Variants in PHTF2 observed in about 807,000 individuals in gnomAD.
PHTF2 encodes the protein putative homeodomain transcription factor 2, also known as protein PHTF2.
A neutral mutation model predicts 101.2 loss-of-function variants in PHTF2; 60 were observed. The ratio of observed to expected loss-of-function variants is 0.59; its 90% CI spans 0.48 to 0.73. The LOEUF (loss-of-function observed/expected upper bound fraction) is 0.73. PHTF2 is among the 30% of genes least tolerant of loss of function. The probability of loss-of-function intolerance (pLI) is 0.00; values close to 1 mark genes in which losing one functional copy is unlikely to be tolerated. For synonymous variants in PHTF2, 311 were observed against 307.3 expected (o/e 1.01, Z -0.13); for missense variants, 747 against 908.7 (o/e 0.82, Z 2.29).
At chr7:77,857,860 G>C (rs953645597) in intron 3 of PHTF2, among the ~76,000 whole-genome samples, 2 of 152,102 alleles carry the variant, frequency 1.3e-5, no homozygotes, top group Non-Finnish European at 2.9e-5. Context: ...TGTTACATGG[G>C]TCAGCTGTCA....
At chr7:77,918,581 C>A (rs987808496) in intron 9 of PHTF2, among the ~76,000 whole-genome samples, 5 of 152,196 alleles carry the variant, frequency 3.3e-5, no homozygotes, top group African/African-American at 1.2e-4. Flanking sequence ...TCTTTTTCCA[C>A]ATCTGCAGGT....
intron 2 of PHTF2, among the ~76,000 whole-genome samples, chr7:77,841,531 C>A (rs1387201772): frequency 6.6e-6 from 1 of 152,118 alleles, no homozygotes; most frequent in Non-Finnish European, 1.5e-5. Context: ...GTTGCACACT[C>A]ATGGCTCACT....
chr7:77,945,857 C>T (rs1223477829), intron 16 of PHTF2, among the ~76,000 whole-genome samples: 2 of 152,138 alleles, frequency 1.3e-5, no homozygotes, highest in Middle Eastern at 3.2e-3. Flanking sequence ...AACAAAAATC[C>T]TCCATACCCG....
rs148367713 is a variant in PHTF2, at chr7:77,879,101, A to T, written c.148-14507A>T. Among the ~76,000 whole-genome samples the T allele has an allele frequency of 3.3e-5, 5 of 152,308 alleles. No homozygotes were observed. In the East Asian group the frequency reaches 9.7e-4, roughly 29 times the overall value. On this transcript the variant is annotated intron_variant, in intron 3 of 19. Transcript: ENST00000416283. ...TGCAACCATATCCAGTGAGTTTCCT[A>T]TTCCTGTACATTTTATCTTACAGAC... is the stretch of plus-strand genomic sequence containing the variant.
At chr7:77,812,732 G>A (rs557263718) in intron 1 of PHTF2, among the ~76,000 whole-genome samples, 2 of 152,146 alleles carry the variant, frequency 1.3e-5, no homozygotes, top group South Asian at 4.1e-4. Context: ...TGGGACTACA[G>A]GCGCACGCCA....
At chr7:77,870,006 A>G (rs1448911962) in intron 3 of PHTF2, among the ~76,000 whole-genome samples, 1 of 152,050 alleles carries the variant, frequency 6.6e-6, no homozygotes, top group East Asian at 1.9e-4. Flanking sequence ...TTTGTTGGAT[A>G]GTTTGTAAAT....
At position 77,943,502 on chromosome 7, in the gene PHTF2, C is replaced by T. The variant is rs575296435; in HGVS notation, c.1959+716C>T. On this transcript the variant is annotated intron_variant, in intron 16 of 19. Transcript: ENST00000416283. ...TACTCTGAAAAAGAATTTTTAGTGA[C>T]CCAGCTTAGTTAGGGAGTACAAAAG... Among the ~76,000 whole-genome samples the T allele has an allele frequency of 7.0e-4, 84 of 120,510 alleles. 1 individual carries two copies. Among genetic ancestry groups the T allele is most frequent in the Non-Finnish European group, 1.2e-3 (62 of 50,450 alleles). 79.1% of individuals were successfully genotyped at this position (120,510 alleles called of 152,430 possible).
chr7:77,885,506 G>A (rs993539192), intron 3 of PHTF2, among the ~76,000 whole-genome samples: 1 of 151,912 alleles, frequency 6.6e-6, no homozygotes, highest in Non-Finnish European at 1.5e-5. Flanking sequence ...GTGCGGTGGT[G>A]GGATCTTGGC....
chr7:77,881,703 A>G (rs1161347549), intron 3 of PHTF2, among the ~76,000 whole-genome samples: 1 of 152,036 alleles, frequency 6.6e-6, no homozygotes, highest in African/African-American at 2.4e-5. Context: ...CTTTTATTCC[A>G]GGATGTCATG....
At chr7:77,933,441 C>G (rs957680276) in intron 12 of PHTF2, among the ~76,000 whole-genome samples, 2 of 151,970 alleles carry the variant, frequency 1.3e-5, no homozygotes, top group African/African-American at 4.8e-5. Flanking sequence ...CTTTGAGAGA[C>G]CAGGTAAGAT....
Position 77,832,841 on chromosome 7 carries a change from A to G in PHTF2, c.-35-7380A>G, listed in dbSNP as rs919369992. Among the ~76,000 whole-genome samples, 10 of 152,228 alleles carry G rather than the reference A, an allele frequency of 6.6e-5. No individual in the cohort carries two copies. In the South Asian group the frequency reaches 1.5e-3, roughly 22 times the overall value. On this transcript the variant is annotated intron_variant, in intron 1 of 19. Coordinates refer to ENST00000416283, the Ensembl canonical transcript of PHTF2. ...TGTAATAATAATAGAAATAAAGTAT[A>G]CAATAAATGTAATGCTCTCGAATCA...
At chr7:77,894,178 C>T (rs908264721) in intron 5 of PHTF2, among the ~76,000 whole-genome samples, 185 bp downstream of exon 4, 1 of 152,156 alleles carries the variant, frequency 6.6e-6, no homozygotes, top group Admixed American at 6.5e-5. Flanking sequence ...TTGTAGTAGG[C>T]ATTTTCTTCC....
chr7:77,872,673 T>C (rs1267283032), intron 3 of PHTF2, among the ~76,000 whole-genome samples: 2 of 152,182 alleles, frequency 1.3e-5, no homozygotes, highest in African/African-American at 4.8e-5. Flanking sequence ...AAAGAGCAAT[T>C]ACAGGGCTCT....
chr7:77,849,898 A>AT (rs1438377563), intron 2 of PHTF2, among the ~76,000 whole-genome samples: 2 of 152,284 alleles, frequency 1.3e-5, no homozygotes, highest in South Asian at 2.1e-4. Flanking sequence ...GTTGTAATAG[A>AT]TTTTTGGTGC....
At chr7:77,810,358 A>G (rs1249427723) in intron 1 of PHTF2, among the ~76,000 whole-genome samples, 1 of 152,194 alleles carries the variant, frequency 6.6e-6, no homozygotes, top group Non-Finnish European at 1.5e-5. Flanking sequence ...AGGTACTCAC[A>G]TTTTACCAGT....
At position 77,899,354 on chromosome 7, in the gene PHTF2, A is replaced by ATT. The variant is rs147576929; in HGVS notation, c.217-1346_217-1345dup. Among the ~76,000 whole-genome samples the ATT allele has an allele frequency of 8.1e-3, 1,204 of 148,122 alleles. 18 individuals carry two copies. Among genetic ancestry groups the ATT allele is most frequent in the African/African-American group, 0.029 (1,159 of 40,534 alleles). On this transcript the variant is annotated intron_variant, in intron 5 of 19. Coordinates refer to ENST00000416283, the Ensembl canonical transcript of PHTF2. ...GAGAACATGCACGTTGGGTGACTCAATTTTTTTTTTTTCACTCCATGCGTG... is the reference window on the plus strand; with the variant it reads ...GAGAACATGCACGTTGGGTGACTCAATTTTTTTTTTTTTTCACTCCATGCGTG...
chr7:77,860,630 A>G (rs1032876350), intron 3 of PHTF2, among the ~76,000 whole-genome samples: 1 of 152,238 alleles, frequency 6.6e-6, no homozygotes, highest in African/African-American at 2.4e-5. Context: ...AAATACTGCT[A>G]TAGCACTTCC....
At chr7:77,952,659 G>A (rs1806652575) in intron 18 of PHTF2, among the ~76,000 whole-genome samples, 1 of 152,198 alleles carries the variant, frequency 6.6e-6, no homozygotes, top group Non-Finnish European at 1.5e-5. Flanking sequence ...TCTTCAGAGT[G>A]TAGGCACTGT....
chr7:77,803,897 T>A (rs1445908395), intron 1 of PHTF2, among the ~76,000 whole-genome samples: 1 of 152,178 alleles, frequency 6.6e-6, no homozygotes, highest in African/African-American at 2.4e-5. Context: ...TATCAACTTT[T>A]TTCTGAAGAA....
Sources: gnomAD v4.1 joint callset for allele counts (sites outside exome capture counted in the v4.1 genomes callset) on GRCh38, gnomAD v4.1.1 for gene constraint, MANE v1.5 for transcripts, NCBI Gene and HGNC (gene_info 2026-07-23, HGNC 2026-07-21) for gene names.